The following MAP2K1 variants were observed in gnomAD, a reference collection of about 807,000 sequenced individuals.
MAP2K1 encodes the protein mitogen-activated protein kinase kinase 1, also known as dual specificity mitogen-activated protein kinase kinase 1.
In MAP2K1, 16 loss-of-function variants were observed where a neutral mutation model predicts 46.3. That is an observed-to-expected ratio of 0.35 (90% CI 0.23 to 0.52). The LOEUF is 0.52. Ranked by LOEUF, MAP2K1 falls within the 20% of genes least tolerant of loss-of-function variation. The probability of loss-of-function intolerance (pLI) is 0.94; values close to 1 mark genes in which losing one functional copy is unlikely to be tolerated. For missense variants in MAP2K1, 263 were observed against 497.1 expected, an observed-to-expected ratio of 0.53 and a Z score of 4.48; for synonymous variants, 183 against 185.6, an observed-to-expected ratio of 0.99 and a Z score of 0.11.
intron 1 of MAP2K1, among the ~76,000 whole-genome samples, chr15:66,411,359 A>G (rs74019599): frequency 0.014 from 2,089 of 152,306 alleles, 49 homozygotes; most frequent in African/African-American, 0.048. Flanking sequence ...AGAATAGCCC[A>G]GGCAGTTCCC....
chr15:66,427,655 C>T lies in MAP2K1; in HGVS notation c.81-7372C>T, dbSNP rs538762737. 5.3e-5 allele frequency among the ~76,000 whole-genome samples: 8 copies of T among 152,164 alleles called. No homozygotes were observed. In the East Asian group the frequency reaches 1.5e-3, roughly 29 times the overall value. On this transcript the variant is annotated intron_variant, in intron 1 of 10. Coordinates refer to ENST00000307102, the MANE Select transcript of MAP2K1 (RefSeq NM_002755.4). ...GTGAGCTCCTTTAGTCTCCTGACAA[C>T]CCCAAGATGTGTTTACTACTGTTAG...
At chr15:66,401,847 A>T (rs1470872338) in intron 1 of MAP2K1, 1 of 595,984 alleles carries the variant, frequency 1.7e-6, no homozygotes, top group Non-Finnish European at 3.0e-6. Flanking sequence ...GGGATGAGCA[A>T]CTTCACACAA....
rs2093342768 is a variant in MAP2K1, at chr15:66,387,107, G to A, written c.-241G>A. On this transcript the variant is annotated 5_prime_UTR_variant, in exon 1 of 11. Transcript: ENST00000307102. ...ACGTTCAGCCCGCTCCGCTCCTGCAGGGCAGCCTTTCGGCTCTCTGCGCGC... is the reference window on the plus strand; with the variant it reads ...ACGTTCAGCCCGCTCCGCTCCTGCAAGGCAGCCTTTCGGCTCTCTGCGCGC... 2 of 439,714 alleles carry A rather than the reference G, an allele frequency of 4.5e-6. No individual in the cohort carries two copies. The highest frequency in any genetic ancestry group is 8.0e-6 in the Non-Finnish European group (2 of 250,068). The allele number at this position is 439,714 out of a possible 1,614,324, so 27.2% of individuals were successfully genotyped here. A position where few individuals can be genotyped will look rare whatever the true frequency, so the allele number is the denominator to read the frequency against.
chr15:66,418,945 CTTTTTTTTTTTT>C (rs753511565), intron 1 of MAP2K1, among the ~76,000 whole-genome samples: 2 of 88,908 alleles, frequency 2.2e-5, no homozygotes, highest in Non-Finnish European at 4.1e-5. Context: ...TGTGCCCGGC[CTTTTTTTTTTTT>C]TTTTTTTTTT....
At chr15:66,411,853 A>G (rs1475744731) in intron 1 of MAP2K1, among the ~76,000 whole-genome samples, 1 of 152,216 alleles carries the variant, frequency 6.6e-6, no homozygotes, top group Non-Finnish European at 1.5e-5. Flanking sequence ...TTCTCTGTCC[A>G]GGTGCTCATA....
intron 1 of MAP2K1, among the ~76,000 whole-genome samples, chr15:66,422,401 G>A (rs2140558500): frequency 6.6e-6 from 1 of 152,278 alleles, no homozygotes; most frequent in East Asian, 1.9e-4. Flanking sequence ...CAATAATCAT[G>A]AAAATATCTT....
chr15:66,478,980 G>T (rs977831521), intron 5 of MAP2K1, among the ~76,000 whole-genome samples: 2 of 152,204 alleles, frequency 1.3e-5, no homozygotes, highest in African/African-American at 4.8e-5. Context: ...CATGGCAGCA[G>T]GGTGGGTAGA....
chr15:66,411,795 C>T (rs2093411852), intron 1 of MAP2K1, among the ~76,000 whole-genome samples: 2 of 152,220 alleles, frequency 1.3e-5, no homozygotes. Context: ...AAAAGTGTCT[C>T]TTTAATGTGT....
rs150433459 is a variant in MAP2K1, at chr15:66,409,339, A to G, written c.80+21912A>G. On this transcript the variant is annotated intron_variant, in intron 1 of 10. Coordinates refer to ENST00000307102, the MANE Select transcript of MAP2K1 (RefSeq NM_002755.4). The stretch of plus-strand genomic sequence containing the variant: ...ATATACTGGTGAGAACATCTTCCCT[A>G]TTCTGTGGCGTTCTCTTAGCCTTAT... Among the ~76,000 whole-genome samples the G allele has an allele frequency of 2.0e-5, 3 of 152,254 alleles. No homozygotes were observed. In the East Asian group the frequency reaches 5.8e-4, roughly 29 times the overall value.
At chr15:66,463,640 G>T (rs1421733205) in intron 5 of MAP2K1, among the ~76,000 whole-genome samples, 4 of 152,160 alleles carry the variant, frequency 2.6e-5, no homozygotes, top group African/African-American at 9.7e-5. Flanking sequence ...CTGCCACTAC[G>T]CCCGGCTAAT....
chr15:66,429,603 A>G (rs1237222299), intron 1 of MAP2K1, among the ~76,000 whole-genome samples: 1 of 150,644 alleles, frequency 6.6e-6, no homozygotes, highest in Non-Finnish European at 1.5e-5. Flanking sequence ...GGGAAGGTAT[A>G]GAACGCCTTC....
At chr15:66,458,859 T>C (rs1892239610) in intron 5 of MAP2K1, among the ~76,000 whole-genome samples, 1 of 152,128 alleles carries the variant, frequency 6.6e-6, no homozygotes, top group Admixed American at 6.6e-5. Flanking sequence ...CCCACTGTAA[T>C]TGGATACCTC....
intron 1 of MAP2K1, among the ~76,000 whole-genome samples, chr15:66,398,442 A>G (rs1014228588): frequency 3.3e-5 from 5 of 151,682 alleles, no homozygotes; most frequent in Non-Finnish European, 7.4e-5. Flanking sequence ...AGGGAAAAAA[A>G]GGAGAGTGGT....
intron 1 of MAP2K1, among the ~76,000 whole-genome samples, chr15:66,418,512 C>G (rs192242144): frequency 7.3e-4 from 111 of 152,216 alleles, no homozygotes; most frequent in Non-Finnish European, 1.5e-3. Context: ...AGATATTTTT[C>G]TATATCAGCT....
intron 7 of MAP2K1, among the ~76,000 whole-genome samples, chr15:66,486,103 G>A (rs1431307792): frequency 6.6e-6 from 1 of 152,104 alleles, no homozygotes; most frequent in Non-Finnish European, 1.5e-5. Flanking sequence ...GTCTCACTAT[G>A]TTGACTAGGC....
chr15:66,426,258 A>G (rs1166224269), intron 1 of MAP2K1, among the ~76,000 whole-genome samples: 3 of 151,482 alleles, frequency 2.0e-5, no homozygotes, highest in South Asian at 2.1e-4. Flanking sequence ...AATAGACACT[A>G]TGGCTACAAA....
At chr15:66,478,458 G>GTATA (rs377507737) in intron 5 of MAP2K1, among the ~76,000 whole-genome samples, 97 of 119,624 alleles carry the variant, frequency 8.1e-4, no homozygotes, top group African/African-American at 2.8e-3. Flanking sequence ...ATATATACAG[G>GTATA]TATATATATA....
At chr15:66,455,999 C>T (rs1381317153) in intron 5 of MAP2K1, among the ~76,000 whole-genome samples, 1 of 152,158 alleles carries the variant, frequency 6.6e-6, no homozygotes, top group Non-Finnish European at 1.5e-5. Flanking sequence ...TGTTAAGTTT[C>T]TCTAAAATCT....
At chr15:66,460,768 G>A (rs1408324182) in intron 5 of MAP2K1, among the ~76,000 whole-genome samples, 2 of 152,032 alleles carry the variant, frequency 1.3e-5, no homozygotes. Flanking sequence ...TGAGAGATAA[G>A]GGGGGGTCTG....
Sources: gnomAD v4.1 joint callset for allele counts (sites outside exome capture counted in the v4.1 genomes callset) on GRCh38, gnomAD v4.1.1 for gene constraint, MANE v1.5 for transcripts, NCBI Gene and HGNC (gene_info 2026-07-23, HGNC 2026-07-21) for gene names.